The following ATP6V0E1 variants were observed in gnomAD, a reference collection of about 807,000 sequenced individuals.
ATP6V0E1 encodes ATPase H+ transporting V0 subunit e1.
A neutral mutation model predicts 11.6 loss-of-function variants in ATP6V0E1; 4 were observed. The ratio of observed to expected loss-of-function variants is 0.35; its 90% CI spans 0.17 to 0.79. ATP6V0E1 has a LOEUF of 0.79. Among genes scored for constraint, ATP6V0E1 ranks in the 30% least tolerant of loss-of-function variants. ATP6V0E1 has a pLI of 0.54. For synonymous variants in ATP6V0E1, 36 were observed against 34.8 expected (o/e 1.04, Z -0.13); for missense variants, 105 against 100.0 (o/e 1.05, Z -0.21).
chr5:172,983,889 T>C lies in ATP6V0E1; in HGVS notation c.29T>C (p.Leu10Pro). 3 of 1,613,730 alleles carry C rather than the reference T, an allele frequency of 1.9e-6. No individual in the cohort carries two copies. Among genetic ancestry groups the C allele is most frequent in the Non-Finnish European group, 2.5e-6 (3 of 1,179,828 alleles). The stretch of plus-strand genomic sequence containing the variant: ...GCGTATCACGGCCTCACTGTGCCTC[T>C]CATTGTGATGAGCGTGTTCTGGGGC... The part of the protein sequence containing the change: MAYHGLTVP[L>P]IVMSVFWGFV... Residue 10 changes from leucine to proline, a missense_variant, in exon 1 of 4, where the codon CTC becomes CCC. Physicochemically the swap from Leu to Pro is moderately conservative, Grantham distance 98. Coordinates refer to ENST00000519374, the MANE Select transcript of ATP6V0E1 (RefSeq NM_003945.4).
chr5:172,991,558 G>A (rs1442093239), intron 1 of ATP6V0E1, among the ~76,000 whole-genome samples: 1 of 152,058 alleles, frequency 6.6e-6, no homozygotes, highest in Non-Finnish European at 1.5e-5. Flanking sequence ...GAAGGCACCT[G>A]CCTTCAGGAA....
intron 2 of ATP6V0E1, among the ~76,000 whole-genome samples, chr5:173,014,160 T>TAAAAAAAAAAAAAA (rs757466248): frequency 1.5e-5 from 1 of 67,824 alleles, no homozygotes; most frequent in African/African-American, 5.6e-5. Flanking sequence ...GACTCCATCT[T>TAAAAAAAAAAAAAA]AAAAAAAAAA....
intron 1 of ATP6V0E1, among the ~76,000 whole-genome samples, chr5:172,984,768 C>G (rs1755855832): frequency 6.6e-6 from 1 of 152,088 alleles, no homozygotes; most frequent in South Asian, 2.1e-4. Flanking sequence ...TCATTTTTTT[C>G]TCAGTTCAAG....
At chr5:173,025,062 C>G (rs780142526) in intron 3 of ATP6V0E1, among the ~76,000 whole-genome samples, 7 of 149,902 alleles carry the variant, frequency 4.7e-5, no homozygotes, top group Non-Finnish European at 8.9e-5. Flanking sequence ...AGGCTGGTCT[C>G]GAACTCTTGA....
At chr5:173,020,905 A>C (rs772256697) in intron 3 of ATP6V0E1, 3 of 519,968 alleles carry the variant, frequency 5.8e-6, no homozygotes, top group Admixed American at 1.9e-5. Flanking sequence ...TTGGCTGCTT[A>C]GTTCTAGTCT....
At chr5:173,021,074 A>C (rs902650939) in intron 3 of ATP6V0E1, 5 of 373,866 alleles carry the variant, frequency 1.3e-5, no homozygotes, top group Non-Finnish European at 2.7e-5. Context: ...TGACACCCGT[A>C]TCTGTTTGGC....
intron 2 of ATP6V0E1, among the ~76,000 whole-genome samples, chr5:173,020,027 C>T (rs1756456099): frequency 6.6e-6 from 1 of 152,116 alleles, no homozygotes; most frequent in Non-Finnish European, 1.5e-5. Context: ...AGCCTCACTG[C>T]TTTGTGATAT....
At chr5:172,992,020 G>A (rs200165954) in intron 1 of ATP6V0E1, among the ~76,000 whole-genome samples, 2 of 142,424 alleles carry the variant, frequency 1.4e-5, no homozygotes, top group Admixed American at 1.4e-4. Context: ...CTGTCTTTCT[G>A]TCTTTCTTTC....
chr5:173,026,635 A>G (rs776210845), intron 3 of ATP6V0E1, among the ~76,000 whole-genome samples: 2 of 152,192 alleles, frequency 1.3e-5, no homozygotes, highest in East Asian at 3.9e-4. Context: ...ATTGCTGCAT[A>G]CTGGTGTATA....
chr5:172,995,199 G>A (rs1233448847), intron 2 of ATP6V0E1, among the ~76,000 whole-genome samples: 1 of 152,234 alleles, frequency 6.6e-6, no homozygotes, highest in Non-Finnish European at 1.5e-5. Context: ...GGCCTCCTGG[G>A]TTCAAGTGAG....
At chr5:173,008,126 C>T (rs900159074) in intron 2 of ATP6V0E1, among the ~76,000 whole-genome samples, 4 of 152,160 alleles carry the variant, frequency 2.6e-5, no homozygotes, top group Non-Finnish European at 4.4e-5. Flanking sequence ...AGCTTAACAG[C>T]GTGCTCACTT....
chr5:173,032,314 G>A (rs1429375262), intron 3 of ATP6V0E1, among the ~76,000 whole-genome samples: 3 of 145,972 alleles, frequency 2.1e-5, no homozygotes, highest in Non-Finnish European at 4.5e-5. Flanking sequence ...TTGAGATGGG[G>A]TCTTGCTCTG....
intron 2 of ATP6V0E1, among the ~76,000 whole-genome samples, chr5:173,019,216 G>A (rs555138918): frequency 4.6e-5 from 7 of 152,136 alleles, no homozygotes; most frequent in South Asian, 2.1e-4. Context: ...CCCAAAGTGC[G>A]GGATTATAGG....
chr5:173,017,024 C>T (rs1756409940), intron 2 of ATP6V0E1, among the ~76,000 whole-genome samples: 1 of 152,142 alleles, frequency 6.6e-6, no homozygotes, highest in Non-Finnish European at 1.5e-5. Flanking sequence ...TGATATGGTG[C>T]TGGCTAATTC....
intron 3 of ATP6V0E1, chr5:173,020,843 C>G (rs1370847963): frequency 1.9e-6 from 1 of 519,978 alleles, no homozygotes; most frequent in South Asian, 1.4e-5. Context: ...TGGCGTCTGG[C>G]ACTGGTGCAA....
rs72814140 is a variant in ATP6V0E1, at chr5:173,011,974, C to T, written c.153-8264C>T. 9.0e-3 allele frequency among the ~76,000 whole-genome samples: 1,370 copies of T among 151,400 alleles called. 19 individuals are homozygous for T. The highest frequency in any genetic ancestry group is 0.016 in the Non-Finnish European group (1,084 of 67,924). Reference sequence around the variant, plus strand: ...TCAGAGGGGCAGGCACAAAGCTCAGCGGGTTAGGGGGGTAAATTCCTCTGA... The same window carrying T: ...TCAGAGGGGCAGGCACAAAGCTCAGTGGGTTAGGGGGGTAAATTCCTCTGA... On this transcript the variant is annotated intron_variant, in intron 2 of 3. Coordinates refer to ENST00000519374, the MANE Select transcript of ATP6V0E1 (RefSeq NM_003945.4).
intron 3 of ATP6V0E1, among the ~76,000 whole-genome samples, chr5:173,032,410 TC>T (rs112005686): frequency 2.0e-5 from 3 of 151,858 alleles, no homozygotes; most frequent in African/African-American, 7.2e-5. Context: ...TGCCTTAGCC[TC>T]CCAGGTAGCT....
intron 2 of ATP6V0E1, among the ~76,000 whole-genome samples, chr5:172,996,518 C>T (rs546517614): frequency 2.0e-5 from 3 of 151,498 alleles, no homozygotes; most frequent in South Asian, 4.2e-4. Context: ...GCCGAGATTG[C>T]ACCACTGCAC....
intron 1 of ATP6V0E1, among the ~76,000 whole-genome samples, chr5:172,990,267 C>G (rs1755960277): frequency 6.6e-6 from 1 of 152,084 alleles, no homozygotes; most frequent in Admixed American, 6.6e-5. Flanking sequence ...CTGAAAAGGG[C>G]CAGCTAAAAT....
Sources: gnomAD v4.1 joint callset for allele counts (sites outside exome capture counted in the v4.1 genomes callset) on GRCh38, gnomAD v4.1.1 for gene constraint, MANE v1.5 for transcripts, NCBI Gene and HGNC (gene_info 2026-07-23, HGNC 2026-07-21) for gene names.